The following ZDHHC14 variants were observed in gnomAD, a reference collection of about 807,000 sequenced individuals.
ZDHHC14 encodes palmitoyltransferase ZDHHC14.
In ZDHHC14, 16 loss-of-function variants were observed where a neutral mutation model predicts 47.7. The observed-to-expected ratio is 0.34, with a 90% CI of 0.23 to 0.51. ZDHHC14 has a LOEUF of 0.51. ZDHHC14 is among the 20% of genes least tolerant of loss of function. The pLI is 0.97. For synonymous variants in ZDHHC14, 293 were observed against 278.9 expected, an observed-to-expected ratio of 1.05 and a Z score of -0.50; for missense variants, 515 against 662.5, an observed-to-expected ratio of 0.78 and a Z score of 2.44.
chr6:157,396,686 C>G (rs1322004289), intron 1 of ZDHHC14, among the ~76,000 whole-genome samples: 2 of 152,138 alleles, frequency 1.3e-5, no homozygotes, highest in Admixed American at 1.3e-4. Flanking sequence ...GTTCTTATTC[C>G]ATTAGCTATA....
chr6:157,638,698 C>T (rs1777101091), intron 5 of ZDHHC14, among the ~76,000 whole-genome samples: 1 of 152,252 alleles, frequency 6.6e-6, no homozygotes. Context: ...CACCGTCTCG[C>T]CCTCTTCTGC....
intron 1 of ZDHHC14, among the ~76,000 whole-genome samples, chr6:157,531,112 A>T (rs946973513): frequency 6.6e-6 from 1 of 152,164 alleles, no homozygotes; most frequent in African/African-American, 2.4e-5. Context: ...CTTCACCTGC[A>T]TGACGACCTT....
intron 2 of ZDHHC14, among the ~76,000 whole-genome samples, chr6:157,568,358 T>A (rs1275991127): frequency 6.6e-6 from 1 of 152,196 alleles, no homozygotes. Context: ...TTAACATTTT[T>A]ATATATCCTT....
At chr6:157,592,768 C>A in intron 2 of ZDHHC14, 1 of 1,355,796 alleles carries the variant, frequency 7.4e-7, no homozygotes, top group South Asian at 2.0e-5. Flanking sequence ...CTCCATTGGC[C>A]AGAGCTCAGT....
At chr6:157,638,314 C>T (rs1777082688) in intron 5 of ZDHHC14, among the ~76,000 whole-genome samples, 2 of 152,214 alleles carry the variant, frequency 1.3e-5, no homozygotes, top group African/African-American at 4.8e-5. Context: ...TCCTCCTACT[C>T]CTTCCTTCCC....
chr6:157,576,492 C>T (rs999212973), intron 2 of ZDHHC14, among the ~76,000 whole-genome samples: 1 of 152,140 alleles, frequency 6.6e-6, no homozygotes, highest in African/African-American at 2.4e-5. Flanking sequence ...TTAAAGTAAC[C>T]ATCTTCTTTC....
chr6:157,532,365 C>T (rs1029062743), intron 1 of ZDHHC14, among the ~76,000 whole-genome samples: 3 of 152,228 alleles, frequency 2.0e-5, no homozygotes, highest in African/African-American at 7.2e-5. Flanking sequence ...CGTTTGGGTT[C>T]AATTCCATGA....
intron 1 of ZDHHC14, among the ~76,000 whole-genome samples, chr6:157,531,498 C>G (rs967355426): frequency 6.6e-6 from 1 of 152,104 alleles, no homozygotes; most frequent in Non-Finnish European, 1.5e-5. Context: ...ACCAACACCC[C>G]CCGCTCCGGC....
chr6:157,526,283 A>C (rs955290137), intron 1 of ZDHHC14, among the ~76,000 whole-genome samples: 4 of 152,218 alleles, frequency 2.6e-5, no homozygotes, highest in African/African-American at 4.8e-5. Flanking sequence ...CATTATTCCA[A>C]TTTAACACAT....
chr6:157,592,720 C>G (rs887527327), intron 2 of ZDHHC14: 4 of 1,211,412 alleles, frequency 3.3e-6, no homozygotes, highest in Non-Finnish European at 4.2e-6. Context: ...CGGGGCTCCA[C>G]AGGGAGGGCC....
intron 7 of ZDHHC14, among the ~76,000 whole-genome samples, chr6:157,651,214 T>C (rs73791283): frequency 0.16 from 23,958 of 152,252 alleles, 2,068 homozygotes; most frequent in Admixed American, 0.24. Context: ...GGCAGGGTTG[T>C]ACCCGCCCCG....
At position 157,603,023 on chromosome 6, in the gene ZDHHC14, C is replaced by T. The variant is rs1251653742; in HGVS notation, c.565+9877C>T. 3.9e-5 allele frequency among the ~76,000 whole-genome samples: 6 copies of T among 152,206 alleles called. 1 individual carries two copies. The highest frequency in any genetic ancestry group is 9.6e-5 in the African/African-American group (4 of 41,456). On this transcript the variant is annotated intron_variant, in intron 3 of 8. Transcript: ENST00000359775. ...GCTCTCTGGAAAGTACCTGCACACC[C>T]CAGACCGTGGGGCCATCGTCCCCCT...
At chr6:157,382,402 C>G in intron 1 of ZDHHC14, 136 bp downstream of exon 1, 4 of 1,094,530 alleles carry the variant, frequency 3.7e-6, no homozygotes, top group Non-Finnish European at 5.1e-6. Flanking sequence ...TGCGCTCCCT[C>G]TTTTTTCTTT....
At chr6:157,492,870 G>A (rs755866647) in intron 1 of ZDHHC14, among the ~76,000 whole-genome samples, 4 of 152,096 alleles carry the variant, frequency 2.6e-5, no homozygotes, top group Non-Finnish European at 5.9e-5. Context: ...GGCAAGGCGC[G>A]CCCTGGGAGC....
intron 1 of ZDHHC14, among the ~76,000 whole-genome samples, chr6:157,388,733 A>G (rs548582949): frequency 2.6e-5 from 4 of 152,338 alleles, no homozygotes; most frequent in Non-Finnish European, 5.9e-5. Context: ...TAAAAAATGT[A>G]ATGTGAGATT....
intron 1 of ZDHHC14, among the ~76,000 whole-genome samples, chr6:157,509,936 T>C (rs1253376972): frequency 6.6e-6 from 1 of 152,184 alleles, no homozygotes; most frequent in Non-Finnish European, 1.5e-5. Context: ...CTCACTTCCC[T>C]CTCCTCTGTT....
chr6:157,534,614 G>A (rs1781477936), intron 1 of ZDHHC14, among the ~76,000 whole-genome samples: 1 of 150,404 alleles, frequency 6.6e-6, no homozygotes, highest in African/African-American at 2.5e-5. Flanking sequence ...TTTGAGACAG[G>A]GTCTGGCTCT....
intron 1 of ZDHHC14, among the ~76,000 whole-genome samples, chr6:157,499,479 G>GCCCCCCCCCCCCCCC (rs1043228228): frequency 2.0e-5 from 3 of 147,172 alleles, no homozygotes; most frequent in Non-Finnish European, 3.0e-5. Flanking sequence ...ACCTCTCAAA[G>GCCCCCCCCCCCCCCC]CCCCCCACCC....
At chr6:157,405,650 T>C (rs1777740939) in intron 1 of ZDHHC14, among the ~76,000 whole-genome samples, 1 of 152,182 alleles carries the variant, frequency 6.6e-6, no homozygotes, top group Non-Finnish European at 1.5e-5. Context: ...GTGGAAAATA[T>C]GTTGTACTGT....
Sources: gnomAD v4.1 joint callset for allele counts (sites outside exome capture counted in the v4.1 genomes callset) on GRCh38, gnomAD v4.1.1 for gene constraint, MANE v1.5 for transcripts, NCBI Gene and HGNC (gene_info 2026-07-23, HGNC 2026-07-21) for gene names.